The following CNOT6 variants were observed in gnomAD, a reference collection of about 807,000 sequenced individuals.
CNOT6 encodes the protein CCR4-NOT transcription complex subunit 6.
Under a neutral mutation model 61.2 loss-of-function variants are expected in CNOT6, and 12 were observed. That is an observed-to-expected ratio of 0.20 (90% confidence interval 0.13 to 0.32). The LOEUF is 0.32. CNOT6 is among the 10% of genes least tolerant of loss of function. The pLI is 1.00. For missense variants in CNOT6, 405 were observed against 663.9 expected (o/e 0.61, Z 4.28); for synonymous variants, 225 against 240.6 (o/e 0.94, Z 0.60).
At chr5:180,544,065 C>T (rs990435191) in intron 2 of CNOT6, among the ~76,000 whole-genome samples, 2 of 152,238 alleles carry the variant, frequency 1.3e-5, no homozygotes, top group Non-Finnish European at 1.5e-5. Context: ...CCCGCCTCGA[C>T]CTCCCAAAGT....
chr5:180,516,252 C>T (rs962170858), intron 1 of CNOT6, among the ~76,000 whole-genome samples: 5 of 149,754 alleles, frequency 3.3e-5, no homozygotes, highest in Non-Finnish European at 5.9e-5. Context: ...GCCACCTTGG[C>T]TCACTGAAAC....
chr5:180,504,496 C>G (rs983264464), intron 1 of CNOT6, among the ~76,000 whole-genome samples: 7 of 138,702 alleles, frequency 5.0e-5, no homozygotes, highest in African/African-American at 1.7e-4. Context: ...TGGTTCATTC[C>G]AAGAGCGGGG....
chr5:180,503,765 C>T (rs1757000983), intron 1 of CNOT6, among the ~76,000 whole-genome samples: 1 of 151,826 alleles, frequency 6.6e-6, no homozygotes, highest in South Asian at 2.1e-4. Flanking sequence ...GCCACCACAC[C>T]CGGCTAATTT....
At chr5:180,496,952 A>C (rs1756637954) in intron 1 of CNOT6, among the ~76,000 whole-genome samples, 1 of 152,240 alleles carries the variant, frequency 6.6e-6, no homozygotes, top group East Asian at 1.9e-4. Flanking sequence ...AGCAGACATA[A>C]GGTTGGTTTA....
intron 1 of CNOT6, among the ~76,000 whole-genome samples, chr5:180,506,277 A>G (rs1369371401): frequency 6.6e-6 from 1 of 152,194 alleles, no homozygotes; most frequent in Non-Finnish European, 1.5e-5. Flanking sequence ...TCATACAGGT[A>G]AATTATTGCA....
intron 2 of CNOT6, among the ~76,000 whole-genome samples, chr5:180,544,409 A>G (rs72812981): frequency 0.019 from 2,880 of 152,342 alleles, 38 homozygotes; most frequent in Non-Finnish European, 0.027. Flanking sequence ...GCTGATAACT[A>G]TTCTGTTTCA....
chr5:180,525,539 A>C (rs1758061568), intron 1 of CNOT6, among the ~76,000 whole-genome samples: 1 of 132,344 alleles, frequency 7.6e-6, no homozygotes, highest in Non-Finnish European at 1.7e-5. Context: ...ACCCTGTCTC[A>C]AAAAAAAAAA....
intron 2 of CNOT6, among the ~76,000 whole-genome samples, chr5:180,532,503 C>A (rs374319692): frequency 6.6e-6 from 1 of 152,126 alleles, no homozygotes; most frequent in Non-Finnish European, 1.5e-5. Context: ...AAACCCTCAA[C>A]CCATGTTTTT....
chr5:180,511,738 C>T (rs1032191726), intron 1 of CNOT6, among the ~76,000 whole-genome samples: 1 of 151,996 alleles, frequency 6.6e-6, no homozygotes, highest in Non-Finnish European at 1.5e-5. Context: ...TACACTCCAG[C>T]CTGGGCAACA....
chr5:180,563,494 G>T (rs1434591895), intron 4 of CNOT6, among the ~76,000 whole-genome samples: 2 of 151,842 alleles, frequency 1.3e-5, no homozygotes, highest in African/African-American at 4.8e-5. Flanking sequence ...CGCCCGCCTC[G>T]GCCTCCCAAA....
At chr5:180,499,232 C>G (rs1756755867) in intron 1 of CNOT6, among the ~76,000 whole-genome samples, 1 of 152,126 alleles carries the variant, frequency 6.6e-6, no homozygotes, top group African/African-American at 2.4e-5. Flanking sequence ...TAAAAGCAGT[C>G]AAAACAATGA....
At chr5:180,562,279 G>T (rs1444561950) in intron 4 of CNOT6, among the ~76,000 whole-genome samples, 1 of 152,136 alleles carries the variant, frequency 6.6e-6, no homozygotes, top group Admixed American at 6.5e-5. Context: ...GGGAAGAATA[G>T]GGAAAAGTGT....
At chr5:180,558,496 C>T (rs114191208) in intron 4 of CNOT6, among the ~76,000 whole-genome samples, 3,081 of 143,756 alleles carry the variant, frequency 0.021, 102 homozygotes, top group African/African-American at 0.072. Context: ...CGCCCTCCTT[C>T]GGCAGAAACA....
intron 6 of CNOT6, among the ~76,000 whole-genome samples, chr5:180,565,469 A>G (rs897485567): frequency 2.0e-5 from 3 of 152,238 alleles, no homozygotes; most frequent in East Asian, 1.9e-4. Flanking sequence ...CTACCTATCC[A>G]GTTTCCACAT....
chr5:180,540,372 C>G (rs567649387), intron 2 of CNOT6, among the ~76,000 whole-genome samples: 1 of 152,148 alleles, frequency 6.6e-6, no homozygotes, highest in African/African-American at 2.4e-5. Flanking sequence ...TAATATTATA[C>G]CATTTCACTC....
At chr5:180,503,540 T>C (rs10903257) in intron 1 of CNOT6, among the ~76,000 whole-genome samples, 68,262 of 149,700 alleles carry the variant, frequency 0.46, 16,787 homozygotes, top group Non-Finnish European at 0.56. Context: ...GCTGGGATTA[T>C]AGGTGTGAGC....
chr5:180,565,787 A>G (rs2127762226), intron 6 of CNOT6, 33 bp from the exon 7 acceptor site: 2 of 1,532,292 alleles, frequency 1.3e-6, no homozygotes, highest in Middle Eastern at 1.8e-4. Context: ...TTTCTGCCAC[A>G]TGTGTGAATA....
intron 2 of CNOT6, among the ~76,000 whole-genome samples, chr5:180,537,227 A>G (rs1183597220): frequency 1.3e-5 from 2 of 152,066 alleles, no homozygotes; most frequent in African/African-American, 2.4e-5. Flanking sequence ...AAAAAGTACC[A>G]AACTGTATTC....
intron 1 of CNOT6, among the ~76,000 whole-genome samples, chr5:180,511,767 GA>G (rs1019858348): frequency 7.4e-5 from 11 of 148,528 alleles, no homozygotes; most frequent in African/African-American, 9.9e-5. Flanking sequence ...CCCTGTATCT[GA>G]AAAAAAAAAT....
Sources: gnomAD v4.1 joint callset for allele counts (sites outside exome capture counted in the v4.1 genomes callset) on GRCh38, gnomAD v4.1.1 for gene constraint, MANE v1.5 for transcripts, NCBI Gene and HGNC (gene_info 2026-07-23, HGNC 2026-07-21) for gene names.